ZNF516: variants seen among roughly 807,000 people sequenced by gnomAD.
ZNF516 encodes zinc finger protein 516.
ZNF516 carries 19 observed loss-of-function variants against 79.7 expected under a neutral mutation model. That is an observed-to-expected ratio of 0.24 (90% CI 0.17 to 0.35). The LOEUF (loss-of-function observed/expected upper bound fraction) is 0.35, where lower values mean the gene tolerates loss of function less well. Ranked by LOEUF, ZNF516 falls within the 10% of genes least tolerant of loss-of-function variation. The probability of loss-of-function intolerance (pLI) is 1.00; values close to 1 mark genes in which losing one functional copy is unlikely to be tolerated. For missense variants in ZNF516, 1,678 were observed against 1,679.5 expected (o/e 1.00, Z 0.02); for synonymous variants, 877 against 739.5 (o/e 1.19, Z -3.02).
chr18:76,387,691 G>A (rs2075014225), intron 3 of ZNF516: 2 of 152,330 alleles, frequency 1.3e-5, no homozygotes, highest in South Asian at 2.1e-4. Context: ...AGGAGAACAC[G>A]GCTGGCTTTA....
At chr18:76,452,405 T>C (rs1042403621) in intron 2 of ZNF516, among the ~76,000 whole-genome samples, 4 of 152,222 alleles carry the variant, frequency 2.6e-5, no homozygotes, top group African/African-American at 9.6e-5. Context: ...GCCAGCATGC[T>C]AGTCCCCAAA....
At chr18:76,424,557 G>A (rs1332805081) in intron 3 of ZNF516, among the ~76,000 whole-genome samples, 5 of 126,606 alleles carry the variant, frequency 3.9e-5, no homozygotes, top group Non-Finnish European at 4.9e-5. Flanking sequence ...AAACACACAC[G>A]CAGGTGAAAA....
intron 1 of ZNF516, among the ~76,000 whole-genome samples, chr18:76,465,280 C>T (rs952770393): frequency 6.6e-6 from 1 of 152,204 alleles, no homozygotes; most frequent in Non-Finnish European, 1.5e-5. Flanking sequence ...TGCCCCTGGA[C>T]ACCAGCTTCA....
intron 3 of ZNF516, among the ~76,000 whole-genome samples, chr18:76,417,370 T>TG (rs1427850164): frequency 6.6e-6 from 1 of 152,224 alleles, no homozygotes; most frequent in Non-Finnish European, 1.5e-5. Context: ...CCAGGAATCT[T>TG]GAGAAACTTT....
At chr18:76,427,656 C>G (rs887194800) in intron 3 of ZNF516, among the ~76,000 whole-genome samples, 2 of 152,050 alleles carry the variant, frequency 1.3e-5, no homozygotes, top group African/African-American at 4.8e-5. Context: ...GTTTCAGAAC[C>G]TCTACAATAA....
intron 3 of ZNF516, among the ~76,000 whole-genome samples, chr18:76,410,996 T>C (rs973903722): frequency 1.3e-5 from 2 of 152,220 alleles, no homozygotes; most frequent in Non-Finnish European, 2.9e-5. Flanking sequence ...ACTTTCAGAT[T>C]AAAGAAATAA....
intron 3 of ZNF516, among the ~76,000 whole-genome samples, chr18:76,418,345 T>C (rs150746555): frequency 5.8e-4 from 88 of 151,984 alleles, no homozygotes; most frequent in African/African-American, 2.1e-3. Flanking sequence ...TAACACGCTG[T>C]GACATATGCT....
At chr18:76,378,521 C>T (rs1052246507) in intron 4 of ZNF516, among the ~76,000 whole-genome samples, 11 of 152,226 alleles carry the variant, frequency 7.2e-5, no homozygotes, top group African/African-American at 2.7e-4. Context: ...CGTCGGCCTG[C>T]TCCTGCGGAA....
At chr18:76,462,959 G>A (rs1303065881) in intron 2 of ZNF516, 69 bp downstream of exon 2, 1 of 152,190 alleles carries the variant, frequency 6.6e-6, no homozygotes, top group African/African-American at 2.4e-5. Context: ...TTTTAAGCTT[G>A]ATTGAAATTC....
chr18:76,450,608 C>T (rs1218937144), intron 2 of ZNF516, among the ~76,000 whole-genome samples: 2 of 152,166 alleles, frequency 1.3e-5, no homozygotes, highest in Non-Finnish European at 2.9e-5. Flanking sequence ...CACGAACTCT[C>T]CCGAACATCA....
chr18:76,362,947 A>T (rs2074560739), intron 6 of ZNF516, among the ~76,000 whole-genome samples: 2 of 152,232 alleles, frequency 1.3e-5, no homozygotes, highest in Non-Finnish European at 2.9e-5. Flanking sequence ...TGTATAGTAC[A>T]AAGCAGATTT....
chr18:76,472,707 G>A (rs17059443), intron 1 of ZNF516, among the ~76,000 whole-genome samples: 2,570 of 152,216 alleles, frequency 0.017, 82 homozygotes, highest in African/African-American at 0.059. Flanking sequence ...AAGGTCATCC[G>A]GTCAAACAGG....
At chr18:76,370,469 G>A (rs977854524) in intron 6 of ZNF516, 59 bp downstream of exon 6, 6 of 1,470,948 alleles carry the variant, frequency 4.1e-6, no homozygotes, top group Non-Finnish European at 5.6e-6. Context: ...GAGCATCATG[G>A]TGCACCTTTC....
chr18:76,486,726 A>G (rs1914855732), intron 1 of ZNF516, among the ~76,000 whole-genome samples: 1 of 151,720 alleles, frequency 6.6e-6, no homozygotes. Context: ...TGCCTTGAAG[A>G]TAACAAAACA....
At chr18:76,428,151 C>T (rs1252805476) in intron 3 of ZNF516, among the ~76,000 whole-genome samples, 2 of 152,038 alleles carry the variant, frequency 1.3e-5, no homozygotes, top group African/African-American at 4.8e-5. Flanking sequence ...CTTTGGGAGG[C>T]CAAGGCGGGG....
At chr18:76,452,564 G>C (rs772572611) in intron 2 of ZNF516, among the ~76,000 whole-genome samples, 1 of 152,090 alleles carries the variant, frequency 6.6e-6, no homozygotes, top group Non-Finnish European at 1.5e-5. Context: ...TTATTCTTCC[G>C]CAAGTAGGTT....
chr18:76,445,765 G>T (rs1912006166), intron 2 of ZNF516, among the ~76,000 whole-genome samples: 1 of 152,240 alleles, frequency 6.6e-6, no homozygotes, highest in Non-Finnish European at 1.5e-5. Context: ...CCAGAGACAG[G>T]ATTCACCCAG....
intron 1 of ZNF516, among the ~76,000 whole-genome samples, chr18:76,483,481 T>C (rs888139812): frequency 1.3e-5 from 2 of 152,210 alleles, no homozygotes; most frequent in Admixed American, 6.5e-5. Flanking sequence ...GTCATCAGCA[T>C]CTGTCCGTCA....
At position 76,360,643 on chromosome 18, in the gene ZNF516, AAAAAT is replaced by A. The variant is rs1359224211; in HGVS notation, c.*1850_*1854del. 68 of 113,970 alleles carry A rather than the reference AAAAAT, an allele frequency of 6.0e-4. No homozygotes were observed. The highest frequency in any genetic ancestry group is 2.0e-3 in the African/African-American group (63 of 31,550). The allele number at this position is 113,970 out of a possible 1,614,324, so 7.1% of individuals were successfully genotyped here. On this transcript the variant is annotated 3_prime_UTR_variant, in exon 7 of 7. Coordinates refer to ENST00000443185, the MANE Select transcript of ZNF516 (RefSeq NM_014643.4). ...CAGAAAAAAATAAGTAAAAAAAAAA[AAAAAT>A]ATATATATATATATATATATATATA...
Sources: gnomAD v4.1 joint callset for allele counts (sites outside exome capture counted in the v4.1 genomes callset) on GRCh38, gnomAD v4.1.1 for gene constraint, MANE v1.5 for transcripts, NCBI Gene and HGNC (gene_info 2026-07-23, HGNC 2026-07-21) for gene names.